Variants in CADM2 observed in about 807,000 individuals in gnomAD.
The protein encoded by CADM2 is immunoglobulin superfamily member 4D.
A neutral mutation model predicts 49.8 loss-of-function variants in CADM2; 12 were observed. The observed-to-expected ratio is 0.24, with a 90% CI of 0.15 to 0.39. The LOEUF (loss-of-function observed/expected upper bound fraction) is 0.39. Ranked by LOEUF, CADM2 falls within the 10% of genes least tolerant of loss-of-function variation. The pLI is 1.00. For synonymous variants in CADM2, 214 were observed against 175.4 expected (o/e 1.22, Z -1.74); for missense variants, 378 against 492.3 (o/e 0.77, Z 2.20).
At chr3:85,545,611 G>C (rs912205096) in intron 1 of CADM2, among the ~76,000 whole-genome samples, 1 of 152,088 alleles carries the variant, frequency 6.6e-6, no homozygotes, top group Non-Finnish European at 1.5e-5. Flanking sequence ...TAAATATCAT[G>C]TTTCCTAGAT....
chr3:86,013,245 A>G, intron 8 of CADM2: 1 of 1,459,896 alleles, frequency 6.8e-7, no homozygotes, highest in Non-Finnish European at 9.5e-7. Context: ...CAACAATAGC[A>G]ATGCTCAGAA....
chr3:85,517,043 G>C (rs1050822330), intron 1 of CADM2, among the ~76,000 whole-genome samples: 1 of 151,618 alleles, frequency 6.6e-6, no homozygotes, highest in Admixed American at 6.6e-5. Context: ...ATAGTATACA[G>C]TATAAAGACA....
chr3:85,852,245 T>C (rs921046330), intron 3 of CADM2, among the ~76,000 whole-genome samples: 8 of 152,138 alleles, frequency 5.3e-5, no homozygotes, highest in African/African-American at 1.9e-4. Flanking sequence ...ACTGTGCCTA[T>C]AACTGCTCCA....
chr3:85,841,384 A>G (rs2074632064), intron 3 of CADM2, among the ~76,000 whole-genome samples: 2 of 151,894 alleles, frequency 1.3e-5, no homozygotes, highest in Admixed American at 6.6e-5. Context: ...GATGAACCCT[A>G]TATTTTAAGA....
At chr3:85,236,319 G>T (rs537024272) in intron 1 of CADM2, among the ~76,000 whole-genome samples, 26 of 152,012 alleles carry the variant, frequency 1.7e-4, no homozygotes, top group Admixed American at 1.6e-3. Flanking sequence ...TTGTGTAATA[G>T]CATCTCTTGG....
intron 1 of CADM2, among the ~76,000 whole-genome samples, chr3:85,693,959 A>C (rs1225683894): frequency 6.6e-6 from 1 of 151,908 alleles, no homozygotes; most frequent in African/African-American, 2.4e-5. Flanking sequence ...AAAATAATAC[A>C]TGTATATTTT....
At chr3:85,220,209 G>A (rs2042015263) in intron 1 of CADM2, among the ~76,000 whole-genome samples, 2 of 151,904 alleles carry the variant, frequency 1.3e-5, no homozygotes, top group Admixed American at 1.3e-4. Context: ...CTGCCTATGA[G>A]CCTCAGGCAA....
chr3:85,954,257 C>T (rs1009749772), intron 7 of CADM2, among the ~76,000 whole-genome samples: 8 of 150,898 alleles, frequency 5.3e-5, no homozygotes, highest in Non-Finnish European at 1.0e-4. Context: ...ATTAATATGA[C>T]TTTACATATA....
At chr3:85,404,759 ATATT>A (rs150408022) in intron 1 of CADM2, among the ~76,000 whole-genome samples, 3,848 of 152,206 alleles carry the variant, frequency 0.025, 154 homozygotes, top group African/African-American at 0.086. Flanking sequence ...TACTAATGCA[ATATT>A]TATAAATGTA....
At chr3:85,330,246 C>T (rs1048661452) in intron 1 of CADM2, among the ~76,000 whole-genome samples, 4 of 152,136 alleles carry the variant, frequency 2.6e-5, no homozygotes, top group African/African-American at 9.7e-5. Flanking sequence ...CTTCATGTGT[C>T]TATTTTTTCT....
At chr3:85,116,172 C>T (rs1440657170) in intron 1 of CADM2, among the ~76,000 whole-genome samples, 1 of 152,052 alleles carries the variant, frequency 6.6e-6, no homozygotes, top group Non-Finnish European at 1.5e-5. Context: ...ACTAAAAATA[C>T]AAAAATTAGC....
At chr3:85,902,833 C>T (rs1233356882) in intron 5 of CADM2, among the ~76,000 whole-genome samples, 2 of 151,576 alleles carry the variant, frequency 1.3e-5, no homozygotes, top group Admixed American at 6.6e-5. Flanking sequence ...TACAATATAG[C>T]TGTTTGCTCT....
At chr3:85,159,873 TA>T (rs1413469357) in intron 1 of CADM2, among the ~76,000 whole-genome samples, 2 of 152,328 alleles carry the variant, frequency 1.3e-5, no homozygotes, top group African/African-American at 4.8e-5. Context: ...AAAATTGGAA[TA>T]ACTGTATCAA....
At chr3:85,518,654 A>G (rs535284441) in intron 1 of CADM2, among the ~76,000 whole-genome samples, 2 of 151,794 alleles carry the variant, frequency 1.3e-5, no homozygotes, top group Non-Finnish European at 2.9e-5. Flanking sequence ...GCCCCTTCCA[A>G]CTCCTGGTGG....
At chr3:85,507,090 C>G (rs1334279874) in intron 1 of CADM2, among the ~76,000 whole-genome samples, 1 of 151,632 alleles carries the variant, frequency 6.6e-6, no homozygotes, top group Non-Finnish European at 1.5e-5. Context: ...TTCAGCTATG[C>G]AGATATATAA....
At chr3:85,236,376 G>A (rs2042407976) in intron 1 of CADM2, among the ~76,000 whole-genome samples, 1 of 152,074 alleles carries the variant, frequency 6.6e-6, no homozygotes, top group East Asian at 1.9e-4. Flanking sequence ...GCCATAACTA[G>A]CAATACAAAA....
At chr3:85,170,168 T>G (rs2040582161) in intron 1 of CADM2, among the ~76,000 whole-genome samples, 1 of 152,202 alleles carries the variant, frequency 6.6e-6, no homozygotes, top group South Asian at 2.1e-4. Context: ...TGGCATCTAT[T>G]CGACATCTCC....
chr3:86,041,144 C>T (rs1475552197), intron 8 of CADM2, among the ~76,000 whole-genome samples: 1 of 152,174 alleles, frequency 6.6e-6, no homozygotes, highest in Non-Finnish European at 1.5e-5. Context: ...ATTGTAAAGA[C>T]CGTCGAGGCT....
intron 1 of CADM2, among the ~76,000 whole-genome samples, chr3:84,983,290 G>A (rs2032325210): frequency 6.7e-6 from 1 of 150,362 alleles, no homozygotes; most frequent in Admixed American, 6.6e-5. Flanking sequence ...TAATCTGTAA[G>A]TGTTATGCTA....
Sources: gnomAD v4.1 joint callset for allele counts (sites outside exome capture counted in the v4.1 genomes callset) on GRCh38, gnomAD v4.1.1 for gene constraint, MANE v1.5 for transcripts, NCBI Gene and HGNC (gene_info 2026-07-23, HGNC 2026-07-21) for gene names.